Variants in MTUS2 observed in about 807,000 individuals in gnomAD.
MTUS2 encodes the protein microtubule associated scaffold protein 2.
In MTUS2, 40 loss-of-function variants were observed where a neutral mutation model predicts 114.1. The ratio of observed to expected loss-of-function variants is 0.35; its 90% CI spans 0.27 to 0.46. The LOEUF (loss-of-function observed/expected upper bound fraction) is 0.46. Among genes scored for constraint, MTUS2 ranks in the 20% least tolerant of loss-of-function variants. MTUS2 has a pLI of 1.00. For synonymous variants in MTUS2, 688 were observed against 672.0 expected (o/e 1.02, Z -0.37); for missense variants, 1,679 against 1,705.4 (o/e 0.98, Z 0.27).
chr13:29,319,272 C>T (rs1900150655), intron 6 of MTUS2, among the ~76,000 whole-genome samples: 1 of 152,200 alleles, frequency 6.6e-6, no homozygotes, highest in African/African-American at 2.4e-5. Flanking sequence ...GGATTTTGGG[C>T]TCACAGAACT....
chr13:29,401,071 G>A (rs902850517), intron 8 of MTUS2, among the ~76,000 whole-genome samples: 5 of 152,182 alleles, frequency 3.3e-5, no homozygotes, highest in East Asian at 1.9e-4. Context: ...CACTGCAAAC[G>A]CCACCTCTCA....
chr13:29,339,227 T>C (rs1901253054), intron 7 of MTUS2, among the ~76,000 whole-genome samples: 1 of 152,002 alleles, frequency 6.6e-6, no homozygotes, highest in Admixed American at 6.5e-5. Context: ...CTTCCTGCAG[T>C]AGGGCAGGCA....
chr13:29,116,903 C>G (rs1323376072), intron 5 of MTUS2, among the ~76,000 whole-genome samples: 1 of 152,110 alleles, frequency 6.6e-6, no homozygotes, highest in Non-Finnish European at 1.5e-5. Context: ...GAATTTTTCA[C>G]TTAATATTTT....
At chr13:28,921,828 G>A (rs1056331722) in intron 2 of MTUS2, among the ~76,000 whole-genome samples, 5 of 152,174 alleles carry the variant, frequency 3.3e-5, no homozygotes, top group African/African-American at 1.2e-4. Context: ...TGAGATCAAA[G>A]TAAAGTCTCA....
intron 5 of MTUS2, among the ~76,000 whole-genome samples, chr13:29,102,275 A>T (rs1408839089): frequency 2.6e-5 from 4 of 152,210 alleles, no homozygotes; most frequent in Non-Finnish European, 4.4e-5. Flanking sequence ...ATTCCTGATG[A>T]CGTGTTTCTT....
intron 5 of MTUS2, among the ~76,000 whole-genome samples, chr13:29,118,806 G>C (rs1156505899): frequency 6.6e-6 from 1 of 152,206 alleles, no homozygotes; most frequent in African/African-American, 2.4e-5. Flanking sequence ...ACACTGACTT[G>C]TGCTGTCACC....
intron 2 of MTUS2, among the ~76,000 whole-genome samples, chr13:28,981,718 G>A (rs1884366598): frequency 6.6e-6 from 1 of 152,182 alleles, no homozygotes; most frequent in African/African-American, 2.4e-5. Flanking sequence ...CTCCTGCCCA[G>A]TGACCCCTGT....
chr13:29,424,246 T>C (rs1467073263), intron 8 of MTUS2, among the ~76,000 whole-genome samples: 1 of 152,174 alleles, frequency 6.6e-6, no homozygotes, highest in African/African-American at 2.4e-5. Context: ...ATGATAAATG[T>C]TTGCAGTGAT....
chr13:29,075,129 T>G (rs944368896), intron 4 of MTUS2, among the ~76,000 whole-genome samples: 4 of 152,230 alleles, frequency 2.6e-5, no homozygotes, highest in Non-Finnish European at 4.4e-5. Flanking sequence ...ATGTCTGGCT[T>G]CTTTCACTTG....
At chr13:29,328,771 A>G (rs1425113203) in intron 7 of MTUS2, among the ~76,000 whole-genome samples, 1 of 152,232 alleles carries the variant, frequency 6.6e-6, no homozygotes, top group Admixed American at 6.5e-5. Flanking sequence ...CACAAAAGAC[A>G]GCTTTGCAGG....
At chr13:29,335,537 T>C (rs1278115840) in intron 7 of MTUS2, among the ~76,000 whole-genome samples, 1 of 152,162 alleles carries the variant, frequency 6.6e-6, no homozygotes, top group East Asian at 1.9e-4. Flanking sequence ...CTTTTGAAAA[T>C]CACTAATAAA....
intron 14 of MTUS2, among the ~76,000 whole-genome samples, chr13:29,500,343 T>G (rs765373506): frequency 1.1e-4 from 16 of 152,234 alleles, no homozygotes; most frequent in Non-Finnish European, 1.9e-4. Flanking sequence ...AAAGATTAAC[T>G]ACATTAACAG....
chr13:29,009,581 A>C (rs1041303233), intron 2 of MTUS2, among the ~76,000 whole-genome samples: 34 of 152,176 alleles, frequency 2.2e-4, no homozygotes, highest in African/African-American at 7.0e-4. Context: ...ATAGCTGATT[A>C]CAAAGCGGTA....
At chr13:29,315,363 G>T (rs1156314285) in intron 6 of MTUS2, among the ~76,000 whole-genome samples, 1 of 152,036 alleles carries the variant, frequency 6.6e-6, no homozygotes, top group Non-Finnish European at 1.5e-5. Flanking sequence ...TGAGGTGATG[G>T]GTATGCTAGT....
Position 29,025,578 on chromosome 13 carries a change from C to A in MTUS2, c.880C>A (p.Pro294Thr). ...TTTGACTTTGGCATCGAAGGAAATCCCAAGTAAACTGGAAGCACAATTAGG... is the reference window on the plus strand; with the variant it reads ...TTTGACTTTGGCATCGAAGGAAATCACAAGTAAACTGGAAGCACAATTAGG... ...LNLTLASKEI[P>T]SKLEAQLGQG... The change falls in exon 3 of 16, where the codon CCA becomes ACA. Residue 294 changes from proline (P) to threonine (T), a missense_variant. Around this residue, in one of 3 missense-constraint regions of MTUS2, gnomAD observed 843 missense variants for 770.8 expected, o/e 1.09. Coordinates refer to ENST00000612955, the MANE Select transcript of MTUS2 (RefSeq NM_001033602.4). 1.9e-6 allele frequency: 3 copies of A among 1,613,956 alleles called. No homozygotes were observed. The highest frequency in any genetic ancestry group is 2.5e-6 in the Non-Finnish European group (3 of 1,179,884).
intron 4 of MTUS2, among the ~76,000 whole-genome samples, chr13:29,036,172 GA>G (rs1887063602): frequency 2.2e-5 from 3 of 136,184 alleles, no homozygotes; most frequent in Non-Finnish European, 4.8e-5. Flanking sequence ...AAAAATAAAA[GA>G]AAAACCCAAC....
At chr13:29,296,781 A>G (rs1898965896) in intron 6 of MTUS2, among the ~76,000 whole-genome samples, 1 of 152,068 alleles carries the variant, frequency 6.6e-6, no homozygotes, top group African/African-American at 2.4e-5. Flanking sequence ...TTGTTCATTT[A>G]TTAATTGAAT....
At chr13:29,332,908 T>A (rs186750799) in intron 7 of MTUS2, among the ~76,000 whole-genome samples, 1 of 152,286 alleles carries the variant, frequency 6.6e-6, no homozygotes, top group Non-Finnish European at 1.5e-5. Context: ...GTGCTGGGAT[T>A]ACAGGCGTGA....
intron 4 of MTUS2, among the ~76,000 whole-genome samples, chr13:29,063,352 T>A (rs1888510256): frequency 6.6e-6 from 1 of 152,174 alleles, no homozygotes; most frequent in Admixed American, 6.5e-5. Flanking sequence ...GCATAATGTT[T>A]TTGTGTCAGA....
Sources: allele counts gnomAD v4.1 joint callset (sites outside exome capture counted in the v4.1 genomes callset), GRCh38; gene constraint gnomAD v4.1.1; regional missense constraint gnomAD v4.1.1; transcripts MANE v1.5; gene names NCBI Gene and HGNC (gene_info 2026-07-23, HGNC 2026-07-21).